Variants in UTRN observed in about 807,000 individuals in gnomAD.
UTRN encodes dystrophin-related protein 1.
A neutral mutation model predicts 463.9 loss-of-function variants in UTRN; 283 were observed. The observed-to-expected ratio is 0.61, with a 90% CI of 0.55 to 0.67. The LOEUF is 0.67. Among genes scored for constraint, UTRN ranks in the 30% least tolerant of loss-of-function variants. The pLI is 0.00. For synonymous variants in UTRN, 1,442 were observed against 1,431.5 expected, an observed-to-expected ratio of 1.01 and a Z score of -0.17; for missense variants, 3,922 against 4,084.3, an observed-to-expected ratio of 0.96 and a Z score of 1.08.
intron 51 of UTRN, among the ~76,000 whole-genome samples, chr6:144,609,762 T>G (rs1275148589): frequency 6.6e-6 from 1 of 151,750 alleles, no homozygotes; most frequent in Non-Finnish European, 1.5e-5. Flanking sequence ...AAACCAGAAA[T>G]CAATAACAGG....
At chr6:144,740,409 C>T (rs17074104) in intron 54 of UTRN, among the ~76,000 whole-genome samples, 9,687 of 152,080 alleles carry the variant, frequency 0.064, 1,026 homozygotes, top group African/African-American at 0.22. Flanking sequence ...TTCCTAACAC[C>T]GAGGGAGAAG....
chr6:144,646,531 A>G (rs1778320323), intron 51 of UTRN, among the ~76,000 whole-genome samples: 1 of 152,154 alleles, frequency 6.6e-6, no homozygotes, highest in South Asian at 2.1e-4. Flanking sequence ...AAAAGAGAAA[A>G]TATGTATTAT....
intron 53 of UTRN, among the ~76,000 whole-genome samples, chr6:144,703,886 G>A (rs1210996453): frequency 6.6e-6 from 1 of 152,128 alleles, no homozygotes; most frequent in Admixed American, 6.5e-5. Context: ...GGGTCAAGTA[G>A]TGGTTTTATA....
chr6:144,377,125 C>T (rs940424120), intron 2 of UTRN, among the ~76,000 whole-genome samples: 1 of 152,146 alleles, frequency 6.6e-6, no homozygotes, highest in Admixed American at 6.5e-5. Flanking sequence ...GCAACCTCTA[C>T]CTTCTGGGTT....
intron 54 of UTRN, among the ~76,000 whole-genome samples, chr6:144,739,265 A>G (rs1789787369): frequency 6.6e-6 from 1 of 152,238 alleles, no homozygotes; most frequent in Non-Finnish European, 1.5e-5. Context: ...TAAGTGACAT[A>G]TTCAGTCCAC....
At chr6:144,616,982 A>G (rs181386594) in intron 51 of UTRN, among the ~76,000 whole-genome samples, 62 of 152,284 alleles carry the variant, frequency 4.1e-4, no homozygotes, top group African/African-American at 1.3e-3. Flanking sequence ...GCAGAAATCT[A>G]TTATTGAATA....
At chr6:144,771,382 G>A (rs1200124462) in intron 58 of UTRN, among the ~76,000 whole-genome samples, 2 of 151,822 alleles carry the variant, frequency 1.3e-5, no homozygotes, top group Non-Finnish European at 2.9e-5. Context: ...CAAAGTGTTG[G>A]GATTATAGAT....
At chr6:144,591,024 C>T (rs1355928100) in intron 51 of UTRN, among the ~76,000 whole-genome samples, 2 of 152,146 alleles carry the variant, frequency 1.3e-5, no homozygotes, top group Non-Finnish European at 2.9e-5. Flanking sequence ...GGATTATTCT[C>T]CCACCTTGAT....
rs143774718 is a variant in UTRN at position 144,291,859 on chromosome 6, C to G, written c.31C>G (p.Pro11Ala). ...CAAGTATGGAGAACATGAAGCCAGT[C>G]CTGACAATGGGCAGAACGAATTCAG... MAKYGEHEAS[P>A]DNGQNEFSDI... Residue 11 changes from proline (P) to alanine (A), a missense_variant, in exon 2 of 75, where the codon CCT becomes GCT. Physicochemically the swap from Pro to Ala is conservative, Grantham distance 27. Transcript: ENST00000367545. 1 of 1,613,370 alleles carries G rather than the reference C, an allele frequency of 6.2e-7. No individual in the cohort carries two copies. The highest frequency in any genetic ancestry group is 1.1e-5 in the South Asian group (1 of 90,974).
At chr6:144,301,446 A>T (rs73780508) in intron 2 of UTRN, among the ~76,000 whole-genome samples, 8,663 of 152,020 alleles carry the variant, frequency 0.057, 711 homozygotes, top group East Asian at 0.19. Context: ...CTTGGCATCA[A>T]GGCAGATTGC....
chr6:144,537,624 G>C lies in UTRN; in HGVS notation c.6276G>C (p.Gln2092His). 1 of 1,611,942 alleles carries C rather than the reference G, an allele frequency of 6.2e-7. No homozygotes were observed. The highest frequency in any genetic ancestry group is 8.5e-7 in the Non-Finnish European group (1 of 1,179,210). The change falls in exon 44 of 75, where the codon CAG (glutamine) becomes CAC (histidine). Residue 2092 changes from glutamine (Q) to histidine (H), a missense_variant. Physicochemically the swap from Gln to His is conservative, Grantham distance 24. This residue lies in a region of UTRN where 2,349 missense variants were observed against 2,303.8 expected (regional missense o/e 1.02). Transcript: ENST00000367545. ...AGCAGGTGATGAAGTACAGGCATCA[G>C]CTAGATGAGATTATCTGTTGGTTAA... ...ESKQVMKYRH[Q>H]LDEIICWLTK...
intron 2 of UTRN, among the ~76,000 whole-genome samples, chr6:144,372,228 G>A (rs1162181563): frequency 6.6e-6 from 1 of 152,226 alleles, no homozygotes; most frequent in African/African-American, 2.4e-5. Context: ...TGAGCTCAGC[G>A]CTTCTGACAG....
At chr6:144,318,829 G>T (rs997336386) in intron 2 of UTRN, among the ~76,000 whole-genome samples, 1 of 152,160 alleles carries the variant, frequency 6.6e-6, no homozygotes, top group African/African-American at 2.4e-5. Context: ...CCAGCACTTT[G>T]GCCGGCGTAG....
chr6:144,772,019 T>TTTG, intron 59 of UTRN, 51 bp downstream of exon 59: 1 of 380,156 alleles, frequency 2.6e-6, no homozygotes, highest in East Asian at 1.0e-3. Flanking sequence ...AGAACCGGTT[T>TTTG]TTTTTTTTTT....
At chr6:144,561,893 A>G (rs1178120214) in intron 50 of UTRN, among the ~76,000 whole-genome samples, 1 of 152,144 alleles carries the variant, frequency 6.6e-6, no homozygotes, top group Non-Finnish European at 1.5e-5. Flanking sequence ...AATGCACAGT[A>G]CTTTCTGGGG....
At chr6:144,406,949 G>A (rs974143614) in intron 3 of UTRN, among the ~76,000 whole-genome samples, 1 of 151,702 alleles carries the variant, frequency 6.6e-6, no homozygotes, top group East Asian at 1.9e-4. Flanking sequence ...TTACCATCCC[G>A]GTGGGCCCTC....
Position 144,523,187 on chromosome 6 carries a change from G to T in UTRN, c.5905G>T (p.Gly1969Cys). ...RINRMYSDRK[G>C]CFDRAMEEWR... is the part of the protein sequence containing the mutation. ...TAATAGAATGTACAGTGATCGGAAAGGGTATGTGTAAATGAAATTAATATT... is the reference window on the plus strand; with the variant it reads ...TAATAGAATGTACAGTGATCGGAAATGGTATGTGTAAATGAAATTAATATT... Residue 1969 changes from glycine (G) to cysteine (C), a missense_variant and splice_region_variant, in exon 41 of 75, where the codon GGT becomes TGT. By Grantham distance (159) the Gly-to-Cys change is radical. Coordinates refer to ENST00000367545, the MANE Select transcript of UTRN (RefSeq NM_007124.3). 2 of 1,559,098 alleles carry T rather than the reference G, an allele frequency of 1.3e-6. No individual in the cohort carries two copies. Among genetic ancestry groups the T allele is most frequent in the South Asian group, 2.5e-5 (2 of 80,726 alleles).
At chr6:144,359,813 G>A (rs924127944) in intron 2 of UTRN, among the ~76,000 whole-genome samples, 5 of 149,886 alleles carry the variant, frequency 3.3e-5, no homozygotes, top group African/African-American at 7.4e-5. Context: ...ACATTTCATC[G>A]CTTGATGTTT....
rs762332252 is a variant in UTRN at position 144,751,875 on chromosome 6, T to G, written c.8278T>G (p.Ser2760Ala). The change falls in exon 56 of 75, where the codon TCT becomes GCT. Residue 2760 changes from serine to alanine, a missense_variant. Ser to Ala is a moderately conservative substitution (Grantham distance 99, BLOSUM62 1). This residue lies in a region of UTRN where 1,309 missense variants were observed against 1,452.6 expected (regional missense o/e 0.90). Transcript: ENST00000367545. ...KTVNDLSSQL[S>A]PLDLHPSLKM... ...GGTGAATGATTTATCCAGTCAGCTGTCTCCACTTGACCTGCATCCCTCTCT... is the reference window on the plus strand; with the variant it reads ...GGTGAATGATTTATCCAGTCAGCTGGCTCCACTTGACCTGCATCCCTCTCT... 6.2e-7 allele frequency: 1 copy of G among 1,612,580 alleles called. No homozygotes were observed. Among genetic ancestry groups the G allele is most frequent in the Non-Finnish European group, 8.5e-7 (1 of 1,179,246 alleles).
Sources: gnomAD v4.1 joint callset for allele counts (sites outside exome capture counted in the v4.1 genomes callset) on GRCh38, gnomAD v4.1.1 for gene constraint, gnomAD v4.1.1 regional missense constraint, MANE v1.5 for transcripts, NCBI Gene and HGNC (gene_info 2026-07-23, HGNC 2026-07-21) for gene names.